Variants in ESRRG observed in about 807,000 individuals in gnomAD.
The protein encoded by ESRRG is estrogen related receptor gamma.
Under a neutral mutation model 44.0 loss-of-function variants are expected in ESRRG, and 13 were observed. The ratio of observed to expected loss-of-function variants is 0.30; its 90% CI spans 0.19 to 0.47. ESRRG has a LOEUF of 0.47. Among genes scored for constraint, ESRRG ranks in the 20% least tolerant of loss-of-function variants. The pLI is 1.00. For synonymous variants in ESRRG, 215 were observed against 214.6 expected, an observed-to-expected ratio of 1.00 and a Z score of -0.02; for missense variants, 395 against 580.6, an observed-to-expected ratio of 0.68 and a Z score of 3.29.
rs974443506 is a variant in ESRRG, at chr1:216,553,460, T to C, written c.862+10759A>G. 3.3e-5 allele frequency among the ~76,000 whole-genome samples: 5 copies of C among 152,264 alleles called. No homozygotes were observed. The South Asian group carries it at 8.3e-4, about 25-fold the overall frequency. On this transcript the variant is annotated intron_variant, in intron 5 of 6. Coordinates refer to ENST00000408911, the MANE Select transcript of ESRRG (RefSeq NM_001438.4). ...CTTAAGTGAAATCCAGTTGAAGAAA[T>C]TGGTCTTTTCCCCTTCTGGACTTTC...
chr1:216,955,482 G>C (rs2067779861), intron 1 of ESRRG, among the ~76,000 whole-genome samples: 1 of 152,122 alleles, frequency 6.6e-6, no homozygotes, highest in African/African-American at 2.4e-5. Flanking sequence ...TGGCAATTGT[G>C]AATAGTGTTG....
intron 1 of ESRRG, among the ~76,000 whole-genome samples, chr1:217,079,645 T>A (rs2151504859): frequency 6.6e-6 from 1 of 152,340 alleles, no homozygotes; most frequent in East Asian, 1.9e-4. Context: ...AACTTCTGTT[T>A]CCTCATCTGT....
intron 3 of ESRRG, among the ~76,000 whole-genome samples, chr1:216,595,610 T>C (rs1383473893): frequency 1.3e-5 from 2 of 152,172 alleles, no homozygotes; most frequent in Non-Finnish European, 2.9e-5. Context: ...TTTTAGCACC[T>C]TTTCTCTATT....
At chr1:217,005,292 T>A (rs552875194) in intron 1 of ESRRG, among the ~76,000 whole-genome samples, 1 of 152,306 alleles carries the variant, frequency 6.6e-6, no homozygotes, top group South Asian at 2.1e-4. Context: ...GAGCGGTAGA[T>A]GATTAGTCCA....
At chr1:217,062,388 C>T (rs892834416) in intron 1 of ESRRG, among the ~76,000 whole-genome samples, 1 of 152,132 alleles carries the variant, frequency 6.6e-6, no homozygotes, top group East Asian at 1.9e-4. Flanking sequence ...CCTACCTTTA[C>T]AACAGCAGGA....
intron 3 of ESRRG, among the ~76,000 whole-genome samples, chr1:216,634,687 G>C (rs960823101): frequency 6.6e-6 from 1 of 152,188 alleles, no homozygotes. Context: ...GCCCAGGGGG[G>C]ACAGTCTCCA....
At chr1:216,855,588 C>T (rs971181758) in intron 2 of ESRRG, among the ~76,000 whole-genome samples, 5 of 152,068 alleles carry the variant, frequency 3.3e-5, no homozygotes, top group African/African-American at 4.8e-5. Flanking sequence ...CTGTCAAGGC[C>T]GCAACGAGAC....
chr1:216,829,734 A>G (rs1225505535), intron 2 of ESRRG, among the ~76,000 whole-genome samples: 2 of 151,858 alleles, frequency 1.3e-5, no homozygotes, highest in African/African-American at 2.4e-5. Context: ...TTGTATCTTC[A>G]GTAGAGATGG....
chr1:216,692,387 T>A (rs558116652), intron 1 of ESRRG, among the ~76,000 whole-genome samples: 1 of 150,892 alleles, frequency 6.6e-6, no homozygotes, highest in African/African-American at 2.4e-5. Context: ...AAAAAAAAAA[T>A]CTGAAAAATA....
chr1:216,721,753 A>G (rs771716243), intron 1 of ESRRG, among the ~76,000 whole-genome samples: 4 of 152,230 alleles, frequency 2.6e-5, no homozygotes, highest in Non-Finnish European at 5.9e-5. Flanking sequence ...TCCTGACACG[A>G]AGACGTCTTA....
At chr1:217,113,590 G>T (rs1419003043) in intron 1 of ESRRG, among the ~76,000 whole-genome samples, 1 of 152,118 alleles carries the variant, frequency 6.6e-6, no homozygotes, top group Non-Finnish European at 1.5e-5. Flanking sequence ...ACTTTTGGGG[G>T]CTTGGGAGGG....
At chr1:217,006,428 A>G (rs182790548) in intron 1 of ESRRG, among the ~76,000 whole-genome samples, 267 of 152,268 alleles carry the variant, frequency 1.8e-3, no homozygotes, top group Non-Finnish European at 3.3e-3. Flanking sequence ...TACAATATAC[A>G]TATAACTTCA....
chr1:216,504,031 T>C lies in ESRRG; in HGVS notation c.*2908A>G, dbSNP rs2040797550. ...TCCACGTTTTAGTTTTATTTCCTAT[T>C]TGTGAGATACTTACTCTTTTGTAAT... On this transcript the variant is annotated 3_prime_UTR_variant, in exon 7 of 7. Transcript: ENST00000408911. 6.6e-6 allele frequency: 1 copy of C among 152,534 alleles called. No homozygotes were observed. Among genetic ancestry groups the C allele is most frequent in the African/African-American group, 2.4e-5 (1 of 41,428 alleles). The allele number at this position is 152,534 out of a possible 1,614,324, so 9.4% of individuals were successfully genotyped here. A position where few individuals can be genotyped will look rare whatever the true frequency, so the allele number is the denominator to read the frequency against.
intron 6 of ESRRG, among the ~76,000 whole-genome samples, chr1:216,513,189 CTTT>C (rs1178415031): frequency 1.3e-5 from 2 of 152,026 alleles, no homozygotes; most frequent in African/African-American, 4.8e-5. Context: ...TTTGTGTTTT[CTTT>C]TGCATTAAAA....
At chr1:216,820,681 A>G (rs1486209822) in intron 2 of ESRRG, among the ~76,000 whole-genome samples, 26 of 152,238 alleles carry the variant, frequency 1.7e-4, no homozygotes, top group Admixed American at 1.6e-3. Flanking sequence ...CTTTGGCTAA[A>G]GCCTCTAACA....
intron 3 of ESRRG, among the ~76,000 whole-genome samples, chr1:216,615,041 CT>C (rs963685455): frequency 6.6e-6 from 1 of 152,138 alleles, no homozygotes; most frequent in Non-Finnish European, 1.5e-5. Flanking sequence ...ATTCAAGAGA[CT>C]GATTGAAGAT....
chr1:216,812,080 A>G lies in ESRRG; in HGVS notation c.-14+127502T>C, dbSNP rs1031203060. ...TGATCAAAGGTTATTTAGGGAAAACAGTAACAGACTGTCCTTAGAAAGGTA... is the reference window on the plus strand; with the variant it reads ...TGATCAAAGGTTATTTAGGGAAAACGGTAACAGACTGTCCTTAGAAAGGTA... On this transcript the variant is annotated intron_variant, in intron 2 of 7. Transcript: ENST00000359162. 2.8e-4 allele frequency among the ~76,000 whole-genome samples: 43 copies of G among 152,240 alleles called. 1 individual carries two copies. The highest frequency in any genetic ancestry group is 2.9e-5 in the Non-Finnish European group (2 of 68,034).
intron 1 of ESRRG, among the ~76,000 whole-genome samples, chr1:217,049,515 G>A (rs1254730468): frequency 6.6e-6 from 1 of 152,204 alleles, no homozygotes; most frequent in Non-Finnish European, 1.5e-5. Context: ...CTATCAAGGG[G>A]AGAAACTGTT....
chr1:216,717,477 A>T (rs900606376), intron 1 of ESRRG, among the ~76,000 whole-genome samples: 1 of 151,918 alleles, frequency 6.6e-6, no homozygotes, highest in Non-Finnish European at 1.5e-5. Context: ...TAAAGGAGCT[A>T]ACTTTGATCT....
Sources: allele counts gnomAD v4.1 joint callset (sites outside exome capture counted in the v4.1 genomes callset), GRCh38; gene constraint gnomAD v4.1.1; transcripts MANE v1.5; gene names NCBI Gene and HGNC (gene_info 2026-07-23, HGNC 2026-07-21).